The following CTH variants were observed in gnomAD, a reference collection of about 807,000 sequenced individuals.
The protein encoded by CTH is cystathionase (cystathionine gamma-lyase).
CTH carries 41 observed loss-of-function variants against 50.6 expected under a neutral mutation model. The ratio of observed to expected loss-of-function variants is 0.81; its 90% CI spans 0.63 to 1.05. The LOEUF (loss-of-function observed/expected upper bound fraction) is 1.05. Among genes scored for constraint, CTH ranks in the 50% least tolerant of loss-of-function variants. The pLI is 0.00. For synonymous variants in CTH, 156 were observed against 168.9 expected, an observed-to-expected ratio of 0.92 and a Z score of 0.59; for missense variants, 470 against 492.6, an observed-to-expected ratio of 0.95 and a Z score of 0.43.
chr1:70,429,457 A>G (rs1425823429), intron 5 of CTH, among the ~76,000 whole-genome samples: 2 of 152,236 alleles, frequency 1.3e-5, no homozygotes, highest in African/African-American at 4.8e-5. Flanking sequence ...GTCATAAAAT[A>G]CTAGAGTCTC....
At chr1:70,433,103 C>T (rs1212195408) in intron 8 of CTH, among the ~76,000 whole-genome samples, 2 of 152,100 alleles carry the variant, frequency 1.3e-5, no homozygotes, top group East Asian at 3.9e-4. Context: ...TTATTTTTAC[C>T]AGTCTTTTAA....
intron 1 of CTH, among the ~76,000 whole-genome samples, chr1:70,413,450 G>A (rs1005234287): frequency 6.6e-6 from 1 of 151,642 alleles, no homozygotes; most frequent in Non-Finnish European, 1.5e-5. Flanking sequence ...TTTTTTAGTA[G>A]AGACGGGGTT....
At chr1:70,434,001 T>C in intron 9 of CTH, 52 bp downstream of exon 9, 1 of 1,609,264 alleles carries the variant, frequency 6.2e-7, no homozygotes, top group Non-Finnish European at 8.5e-7. Context: ...CTTACAGCAG[T>C]TCACTATCTC....
At chr1:70,434,018 C>G (rs1684542455) in intron 9 of CTH, 69 bp downstream of exon 9, 12 of 1,601,414 alleles carry the variant, frequency 7.5e-6, no homozygotes, top group Non-Finnish European at 9.4e-6. Context: ...TCTCTCACTT[C>G]TACTCAAGCC....
chr1:70,433,732 T>C, intron 8 of CTH, 96 bp from the exon 9 acceptor site: 1 of 1,567,270 alleles, frequency 6.4e-7, no homozygotes. Context: ...CTTAGGCTTA[T>C]TTGCAGTTAA....
chr1:70,411,511 G>A lies in CTH; in HGVS notation c.96G>A (p.Trp32Ter), dbSNP rs1683963184. The A allele has an allele frequency of 6.2e-7, 1 of 1,614,222 alleles. No individual in the cohort carries two copies. The highest frequency in any genetic ancestry group is 1.1e-5 in the South Asian group (1 of 91,084). The stretch of plus-strand genomic sequence containing the variant: ...ATGTGGGCCAGGATCCAGAGCAATG[G>A]ACCTCCAGGGCTGTAGTGCCCCCCA... Reference protein sequence around the residue: ...AIHVGQDPEQWTSRAVVPPIS... With the variant: ...AIHVGQDPEQ The change falls in exon 1 of 12, where the codon TGG becomes TGA. Residue 32 changes from tryptophan (W) to a stop codon, truncating the protein, a stop_gained. Coordinates refer to ENST00000370938, the MANE Select transcript of CTH (RefSeq NM_001902.6). LOFTEE classifies it high-confidence loss of function.
chr1:70,420,718 T>G (rs1164858400), intron 3 of CTH, among the ~76,000 whole-genome samples: 1 of 152,144 alleles, frequency 6.6e-6, no homozygotes, highest in African/African-American at 2.4e-5. Flanking sequence ...TTATCTTAGT[T>G]TCTTATATTA....
At chr1:70,422,609 CTTT>C (rs57429096) in intron 4 of CTH, among the ~76,000 whole-genome samples, 5 of 127,170 alleles carry the variant, frequency 3.9e-5, no homozygotes, top group African/African-American at 3.0e-5. Flanking sequence ...TGGTCTGAGT[CTTT>C]TTTTTTTTTT....
intron 3 of CTH, 149 bp from the exon 4 acceptor site, chr1:70,421,417 A>C: frequency 6.2e-6 from 5 of 803,736 alleles, no homozygotes; most frequent in Non-Finnish European, 1.0e-5. Flanking sequence ...CAGATAGCCA[A>C]ACTATTTAAC....
chr1:70,416,358 A>G (rs1684091457), intron 2 of CTH, among the ~76,000 whole-genome samples: 1 of 152,148 alleles, frequency 6.6e-6, no homozygotes. Flanking sequence ...AAATAAATAA[A>G]TGGAAATTAA....
intron 4 of CTH, among the ~76,000 whole-genome samples, chr1:70,423,393 C>G (rs1189309786): frequency 6.7e-6 from 1 of 149,860 alleles, no homozygotes; most frequent in East Asian, 2.0e-4. Flanking sequence ...GACCCTTTCT[C>G]TGCAAAAAAA....
rs773613663 is a variant in CTH at position 70,435,089 on chromosome 1, ACTAGAAAATCTAAATTCATGTTTTCTTTG to A, written c.1000-32_1000-4del. The A allele has an allele frequency of 1.3e-6, 2 of 1,579,498 alleles. No homozygotes were observed. Among genetic ancestry groups the A allele is most frequent in the African/African-American group, 2.7e-5 (2 of 73,720 alleles). On this transcript the variant is annotated splice_region_variant and splice_polypyrimidine_tract_variant and intron_variant, in intron 9 of 11. Coordinates refer to ENST00000370938, the MANE Select transcript of CTH (RefSeq NM_001902.6). ...TTTTAGATTTTAGTATTTTTATTTT[ACTAGAAAATCTAAATTCATGTTTTCTTTG>A]CTATAGCTATTTACTCTGGCCGAGA... is the stretch of plus-strand genomic sequence containing the variant.
At chr1:70,438,886 AT>A in intron 11 of CTH, 60 bp downstream of exon 11, 1 of 1,597,096 alleles carries the variant, frequency 6.3e-7, no homozygotes, top group Non-Finnish European at 8.5e-7. Context: ...TATCTTGGGC[AT>A]GGGGGGTCAC....
chr1:70,419,438 C>T (rs566260476), intron 3 of CTH, among the ~76,000 whole-genome samples: 1 of 152,268 alleles, frequency 6.6e-6, no homozygotes, highest in African/African-American at 2.4e-5. Flanking sequence ...ACAGTCCCAC[C>T]AACAGTGTAA....
At chr1:70,425,320 G>A (rs1334800015) in intron 5 of CTH, among the ~76,000 whole-genome samples, 1 of 152,140 alleles carries the variant, frequency 6.6e-6, no homozygotes, top group East Asian at 1.9e-4. Context: ...TATAAACTGG[G>A]TGGCTTACAA....
At position 70,411,520 on chromosome 1, in the gene CTH, G is replaced by A. The variant is rs762024780; in HGVS notation, c.105G>A (p.Arg35=). 2 of 1,614,170 alleles carry A rather than the reference G, an allele frequency of 1.2e-6. No homozygotes were observed. Among genetic ancestry groups the A allele is most frequent in the East Asian group, 2.2e-5 (1 of 44,882 alleles). The change falls in exon 1 of 12, where the codon AGG becomes AGA. Residue 35 remains arginine (R), a synonymous_variant. Coordinates refer to ENST00000370938, the MANE Select transcript of CTH (RefSeq NM_001902.6). ...AGGATCCAGAGCAATGGACCTCCAG[G>A]GCTGTAGTGCCCCCCATCTCACTGT... is the stretch of plus-strand genomic sequence containing the variant. ...VGQDPEQWTS[R]AVVPPISLST...
chr1:70,419,574 G>A (rs1572255940), intron 3 of CTH, among the ~76,000 whole-genome samples: 1 of 152,210 alleles, frequency 6.6e-6, no homozygotes, highest in African/African-American at 2.4e-5. Context: ...CTGATGGCCA[G>A]TGATGATAAG....
chr1:70,420,522 C>G (rs962724836), intron 3 of CTH, among the ~76,000 whole-genome samples: 2 of 152,114 alleles, frequency 1.3e-5, no homozygotes, highest in African/African-American at 4.8e-5. Context: ...GCTGATTTGA[C>G]AGGAGACTGA....
chr1:70,435,691 TC>T (rs1684583281), intron 10 of CTH, among the ~76,000 whole-genome samples: 1 of 151,982 alleles, frequency 6.6e-6, no homozygotes, highest in African/African-American at 2.4e-5. Context: ...ACAAGATAAA[TC>T]CAAACCCTAA....
Sources: gnomAD v4.1 joint callset for allele counts (sites outside exome capture counted in the v4.1 genomes callset) on GRCh38, gnomAD v4.1.1 for gene constraint, MANE v1.5 for transcripts, NCBI Gene and HGNC (gene_info 2026-07-23, HGNC 2026-07-21) for gene names.